Variants in NOM1 observed in about 807,000 individuals in gnomAD.
The protein encoded by NOM1 is nucleolar MIF4G domain-containing protein 1.
NOM1 carries 58 observed loss-of-function variants against 73.3 expected under a neutral mutation model. The observed-to-expected ratio is 0.79, with a 90% CI of 0.64 to 0.99. The LOEUF (loss-of-function observed/expected upper bound fraction) is 0.99. NOM1 is among the 50% of genes least tolerant of loss of function. The probability of loss-of-function intolerance (pLI) is 0.00; values close to 1 mark genes in which losing one functional copy is unlikely to be tolerated. For synonymous variants in NOM1, 487 were observed against 446.8 expected (o/e 1.09, Z -1.14); for missense variants, 1,226 against 1,131.9 (o/e 1.08, Z -1.19).
rs769820650 is a variant in NOM1 at position 156,949,846 on chromosome 7, G to A, written c.109G>A (p.Gly37Ser). 1 of 1,467,126 alleles carries A rather than the reference G, an allele frequency of 6.8e-7. No homozygotes were observed. The highest frequency in any genetic ancestry group is 1.4e-5 in the South Asian group (1 of 73,050). The allele number at this position is 1,467,126 out of a possible 1,614,324, so 90.9% of individuals were successfully genotyped here. Residue 37 changes from glycine (G) to serine (S), a missense_variant, in exon 1 of 11, where the codon GGT (glycine) becomes AGT (serine). Transcript: ENST00000275820. ...CGGGCCGCGCCGCGGTCCTGCTGGC[G>A]GTGGGGAGAAGGCCCTGAAGAGGCT... Reference protein sequence around the residue: ...GRGPRRGPAGGGEKALKRLKL... With the variant: ...GRGPRRGPAGSGEKALKRLKL...
rs556680059 is a variant in NOM1, at chr7:156,968,186, G to A, written c.2299-901G>A. ...GAATAACTTAGCTCATGGAGGAGGC[G>A]TTGCTCCCCCTCCGCTCCCCTGCCT... On this transcript the variant is annotated intron_variant, in intron 9 of 10. Transcript: ENST00000275820. Among the ~76,000 whole-genome samples, 64 of 152,302 alleles carry A rather than the reference G, an allele frequency of 4.2e-4. 1 individual carries two copies. Among genetic ancestry groups the A allele is most frequent in the Admixed American group, 1.4e-3 (21 of 15,298 alleles).
chr7:156,950,339 AGGAC>A lies in NOM1; in HGVS notation c.605_608del (p.Asp202AlafsTer7). The A allele has an allele frequency of 6.2e-7, 1 of 1,614,096 alleles. No individual in the cohort carries two copies. Among genetic ancestry groups the A allele is most frequent in the Non-Finnish European group, 8.5e-7 (1 of 1,179,910 alleles). ...CTCGGTTTGAACAAGCGCAAAAAGA[AGGAC>A]GGCAGCAGCTCCGTGCCGCTGAGCT... On this transcript the variant is annotated frameshift_variant, in exon 1 of 11. Transcript: ENST00000275820. LOFTEE classifies it high-confidence loss of function.
In NOM1 at chr7:156,950,599, G is replaced by A; in HGVS notation, c.862G>A (p.Glu288Lys). 1.3e-6 allele frequency: 2 copies of A among 1,582,482 alleles called. No homozygotes were observed. Among genetic ancestry groups the A allele is most frequent in the Non-Finnish European group, 8.6e-7 (1 of 1,163,838 alleles). The change falls in exon 1 of 11, where the codon GAA becomes AAA. Residue 288 changes from glutamate (E) to lysine (K), a missense_variant. By Grantham distance (56) the Glu-to-Lys change is moderately conservative. Transcript: ENST00000275820. ...AQSEDDDEDT[E>K]EEQGEEKEKG... is the part of the protein sequence containing the mutation. ...GAGCGAGGACGACGACGAGGATACA[G>A]AAGAGGAACAGGGGGAAGAAAAGGA...
Position 156,969,748 on chromosome 7 carries a change from C to T in NOM1, c.*45C>T. On this transcript the variant is annotated 3_prime_UTR_variant, in exon 11 of 11. Coordinates refer to ENST00000275820, the MANE Select transcript of NOM1 (RefSeq NM_138400.2). ...AGGTGGCCCTTTGACTGTAAAATGT[C>T]CTTGGTAAACCCAAAGGCTTATTCT... The T allele has an allele frequency of 6.4e-7, 1 of 1,558,444 alleles. No homozygotes were observed. The highest frequency in any genetic ancestry group is 8.7e-7 in the Non-Finnish European group (1 of 1,151,514).
Position 156,963,110 on chromosome 7 carries a change from T to C in NOM1, c.1846T>C (p.Trp616Arg), listed in dbSNP as rs200947524. The C allele has an allele frequency of 5.0e-5, 81 of 1,614,166 alleles. No homozygotes were observed. In the East Asian group the frequency reaches 1.8e-3, roughly 36 times the overall value. ...TGRWWIVGSAWSGAPMIDNSH... is the reference protein window; with the variant it reads ...TGRWWIVGSARSGAPMIDNSH... The stretch of plus-strand genomic sequence containing the variant: ...TCGCTGGTGGATTGTGGGGTCCGCC[T>C]GGAGTGGGGCCCCGATGATCGACAA... Residue 616 changes from tryptophan to arginine, a missense_variant, in exon 6 of 11, where the codon TGG becomes CGG. Physicochemically the swap from Trp to Arg is moderately radical, Grantham distance 101. Transcript: ENST00000275820.
At position 156,952,651 on chromosome 7, in the gene NOM1, TA is replaced by T. The variant is rs1170206377; in HGVS notation, c.1112+57del. ...TCACTTAGAGAGGTTGTCTGTTTCC[TA>T]AAATGTAGGAATTATCCCAGCAATT... On this transcript the variant is annotated intron_variant, in intron 2 of 10. Transcript: ENST00000275820. 3.8e-6 allele frequency: 6 copies of T among 1,571,740 alleles called. No individual in the cohort carries two copies. The African/African-American group carries it at 8.2e-5, about 21-fold the overall frequency.
chr7:156,959,562 G>A (rs1004240325), intron 3 of NOM1, among the ~76,000 whole-genome samples: 1 of 152,184 alleles, frequency 6.6e-6, no homozygotes, highest in African/African-American at 2.4e-5. Flanking sequence ...TATTTTGAGA[G>A]ACATAGGTGT....
Position 156,954,224 on chromosome 7 carries a change from T to C in NOM1, c.1234T>C (p.Ser412Pro). ...SALMGACVTA[S>P]AMPSRLMMEH... Reference sequence around the variant, plus strand: ...TCTCATGGGTGCCTGCGTCACTGCCTCGGCCATGCCCAGCAGACTGATGAT... The same window carrying C: ...TCTCATGGGTGCCTGCGTCACTGCCCCGGCCATGCCCAGCAGACTGATGAT... The change falls in exon 3 of 11, where the codon TCG becomes CCG. Residue 412 changes from serine (S) to proline (P), a missense_variant. Physicochemically the swap from Ser to Pro is moderately conservative, Grantham distance 74. Coordinates refer to ENST00000275820, the MANE Select transcript of NOM1 (RefSeq NM_138400.2). The C allele has an allele frequency of 6.2e-7, 1 of 1,613,716 alleles. No individual in the cohort carries two copies. Among genetic ancestry groups the C allele is most frequent in the African/African-American group, 1.3e-5 (1 of 75,016 alleles).
Position 156,960,095 on chromosome 7 carries a change from C to T in NOM1, c.1553C>T (p.Ala518Val), listed in dbSNP as rs748095421. 1.9e-6 allele frequency: 3 copies of T among 1,614,038 alleles called. No homozygotes were observed. The highest frequency in any genetic ancestry group is 2.7e-5 in the African/African-American group (2 of 74,908). ...NVGFSLRKDD[A>V]LSLKELITEA... ...GGTTTTTCATTGAGGAAAGATGATG[C>T]TTTATCACTTAAGGAATTGATCACT... is the stretch of plus-strand genomic sequence containing the variant. Residue 518 changes from alanine (A) to valine (V), a missense_variant, in exon 4 of 11, where the codon GCT becomes GTT. Transcript: ENST00000275820.
rs914559714 is a variant in NOM1 at position 156,972,337 on chromosome 7, A to G, written c.*2634A>G. 1 of 152,262 alleles carries G rather than the reference A, an allele frequency of 6.6e-6. No individual in the cohort carries two copies. The highest frequency in any genetic ancestry group is 2.4e-5 in the African/African-American group (1 of 41,464). 9.4% of individuals were successfully genotyped at this position (152,262 alleles called of 1,614,324 possible). ...GCACCACCTGATTTCATGATGTACCATATGCAGTAACCCATGTTTGAGGTA... is the reference window on the plus strand; with the variant it reads ...GCACCACCTGATTTCATGATGTACCGTATGCAGTAACCCATGTTTGAGGTA... On this transcript the variant is annotated 3_prime_UTR_variant, in exon 11 of 11. Coordinates refer to ENST00000275820, the MANE Select transcript of NOM1 (RefSeq NM_138400.2).
At chr7:156,968,477 G>A (rs1338153276) in intron 9 of NOM1, among the ~76,000 whole-genome samples, 10 of 152,104 alleles carry the variant, frequency 6.6e-5, no homozygotes, top group South Asian at 2.1e-4. Context: ...GTCACCATGC[G>A]TTTAGTCCCC....
intron 7 of NOM1, 57 bp from the exon 8 acceptor site, chr7:156,966,203 GAAAGGTATCA>G: frequency 6.3e-7 from 1 of 1,590,830 alleles, no homozygotes. Flanking sequence ...ATGTTCCCCT[GAAAGGTATCA>G]GCCATTAAAC....
chr7:156,966,117 C>A, intron 7 of NOM1, 153 bp from the exon 8 acceptor site: 1 of 841,012 alleles, frequency 1.2e-6, no homozygotes, highest in Non-Finnish European at 1.9e-6. Context: ...CAGGGCTGGG[C>A]CCCTAGCTGG....
At position 156,963,905 on chromosome 7, in the gene NOM1, G is replaced by A. The variant is rs756399939; in HGVS notation, c.1912G>A (p.Val638Ile). 1 of 1,613,292 alleles carries A rather than the reference G, an allele frequency of 6.2e-7. No homozygotes were observed. Among genetic ancestry groups the A allele is most frequent in the South Asian group, 1.1e-5 (1 of 90,982 alleles). The change falls in exon 7 of 11, where the codon GTC becomes ATC. Residue 638 changes from valine (V) to isoleucine (I), a missense_variant and splice_region_variant. By Grantham distance (29) the Val-to-Ile change is conservative. Coordinates refer to ENST00000275820, the MANE Select transcript of NOM1 (RefSeq NM_138400.2). ...ACTTGTCCATTCATCGTGCTTCCAG[G>A]TCAGTTCAAAGATCCTAGAACTCGC... ...THLQKQLVGT[V>I]SSKILELARK...
intron 1 of NOM1, 132 bp downstream of exon 1, chr7:156,950,856 G>GGT: frequency 1.3e-6 from 1 of 759,258 alleles, no homozygotes; most frequent in South Asian, 1.9e-5. Context: ...AGTAAATCGA[G>GGT]TACGTTACTC....
chr7:156,951,867 C>T (rs1163450605), intron 1 of NOM1, among the ~76,000 whole-genome samples: 2 of 151,974 alleles, frequency 1.3e-5, no homozygotes, highest in Non-Finnish European at 2.9e-5. Context: ...CCACCATGCC[C>T]GGCTAATTTT....
At chr7:156,964,925 T>TTCTTCGC (rs1563685363) in intron 7 of NOM1, among the ~76,000 whole-genome samples, 2 of 152,102 alleles carry the variant, frequency 1.3e-5, no homozygotes, top group African/African-American at 4.8e-5. Flanking sequence ...AAGGACTTCG[T>TTCTTCGC]TTATTTTTCC....
intron 4 of NOM1, among the ~76,000 whole-genome samples, chr7:156,961,123 C>T (rs1292641936): frequency 6.6e-6 from 1 of 152,054 alleles, no homozygotes; most frequent in Non-Finnish European, 1.5e-5. Flanking sequence ...GGTGGACTTG[C>T]CTGGCAGCAG....
At chr7:156,952,439 T>C in intron 1 of NOM1, 35 bp from the exon 2 acceptor site, 2 of 1,596,072 alleles carry the variant, frequency 1.3e-6, no homozygotes, top group African/African-American at 2.7e-5. Flanking sequence ...TTGGTCAGTG[T>C]AAATTTTTTG....
Sources: gnomAD v4.1 joint callset for allele counts (sites outside exome capture counted in the v4.1 genomes callset) on GRCh38, gnomAD v4.1.1 for gene constraint, MANE v1.5 for transcripts, NCBI Gene and HGNC (gene_info 2026-07-23, HGNC 2026-07-21) for gene names.